The following WDPCP variants were observed in gnomAD, a reference collection of about 807,000 sequenced individuals.
WDPCP encodes the protein WD repeat-containing and planar cell polarity effector protein fritz homolog.
WDPCP carries 71 observed loss-of-function variants against 93.1 expected under a neutral mutation model. That is an observed-to-expected ratio of 0.76 (90% CI 0.63 to 0.93). The LOEUF is 0.93. Ranked by LOEUF, WDPCP falls within the 40% of genes least tolerant of loss-of-function variation. The pLI, the probability that WDPCP is intolerant of heterozygous loss-of-function variation, is 0.00. For missense variants in WDPCP, 844 were observed against 887.4 expected (o/e 0.95, Z 0.62); for synonymous variants, 315 against 315.0 (o/e 1.00, Z 0.00).
intron 3 of WDPCP, chr2:63,605,016 A>T: frequency 1.3e-6 from 1 of 757,882 alleles, no homozygotes; most frequent in Non-Finnish European, 2.1e-6. Flanking sequence ...GCCAGTCATG[A>T]TCTAGTGTGA....
At chr2:63,628,548 G>C (rs1575733868) in intron 3 of WDPCP, among the ~76,000 whole-genome samples, 1 of 152,126 alleles carries the variant, frequency 6.6e-6, no homozygotes, top group East Asian at 1.9e-4. Flanking sequence ...AAAATAGAGA[G>C]GTTTCAGTTT....
intron 14 of WDPCP, among the ~76,000 whole-genome samples, chr2:63,239,088 A>G (rs1215116034): frequency 6.6e-6 from 1 of 152,232 alleles, no homozygotes. Context: ...TGACATCTAT[A>G]TTCTTGAAAG....
At chr2:63,414,843 C>CA (rs1187532098) in intron 9 of WDPCP, among the ~76,000 whole-genome samples, 1 of 152,092 alleles carries the variant, frequency 6.6e-6, no homozygotes, top group Non-Finnish European at 1.5e-5. Flanking sequence ...CTCATATAAC[C>CA]AAATACCACC....
At chr2:63,317,912 G>A (rs1229339970) in intron 12 of WDPCP, among the ~76,000 whole-genome samples, 1 of 151,924 alleles carries the variant, frequency 6.6e-6, no homozygotes, top group Non-Finnish European at 1.5e-5. Context: ...AAAAATTCAT[G>A]AATGGAAAGA....
intron 2 of WDPCP, among the ~76,000 whole-genome samples, chr2:63,788,887 A>G (rs1670504887): frequency 6.6e-6 from 1 of 152,070 alleles, no homozygotes; most frequent in Non-Finnish European, 1.5e-5. Context: ...ATATCTATCT[A>G]TAGAGTATGC....
At chr2:63,481,251 G>C (rs191237641) in intron 6 of WDPCP, among the ~76,000 whole-genome samples, 35 of 152,102 alleles carry the variant, frequency 2.3e-4, no homozygotes, top group African/African-American at 8.2e-4. Context: ...AATAGATTTA[G>C]TGGGGATGTG....
intron 2 of WDPCP, among the ~76,000 whole-genome samples, chr2:63,679,127 T>C (rs1344318791): frequency 6.6e-6 from 1 of 152,240 alleles, no homozygotes; most frequent in Non-Finnish European, 1.5e-5. Flanking sequence ...GCCTATATAA[T>C]CTGCCTCAAT....
intron 9 of WDPCP, among the ~76,000 whole-genome samples, chr2:63,430,998 A>C (rs1374830035): frequency 6.6e-6 from 1 of 152,208 alleles, no homozygotes; most frequent in African/African-American, 2.4e-5. Flanking sequence ...TAATTCAGTC[A>C]CAGAGAGCTT....
intron 2 of WDPCP, among the ~76,000 whole-genome samples, chr2:63,697,949 C>T (rs997262131): frequency 2.0e-5 from 3 of 146,816 alleles, no homozygotes; most frequent in African/African-American, 7.6e-5. Flanking sequence ...CATGCCCAGC[C>T]TATGACTTTT....
intron 1 of WDPCP, among the ~76,000 whole-genome samples, chr2:63,504,923 T>A (rs749894970): frequency 1.3e-5 from 2 of 152,086 alleles, no homozygotes; most frequent in Non-Finnish European, 2.9e-5. Context: ...ACAGATGATA[T>A]AAAAGTAAGC....
intron 2 of WDPCP, among the ~76,000 whole-genome samples, chr2:63,755,822 T>A (rs1669959792): frequency 6.6e-6 from 1 of 152,188 alleles, no homozygotes; most frequent in Admixed American, 6.5e-5. Context: ...AAAATATAAT[T>A]TGTCTACACA....
intron 14 of WDPCP, 25 bp from the exon 15 acceptor site, chr2:63,174,857 G>C (rs1175251731): frequency 6.2e-7 from 1 of 1,609,168 alleles, no homozygotes; most frequent in Non-Finnish European, 8.5e-7. Flanking sequence ...TAATATGTGA[G>C]TGAAATACTA....
At chr2:63,141,263 G>C (rs915265897) in intron 17 of WDPCP, among the ~76,000 whole-genome samples, 1 of 152,074 alleles carries the variant, frequency 6.6e-6, no homozygotes, top group Non-Finnish European at 1.5e-5. Context: ...ATTTTTAGTA[G>C]AGACAGGTTT....
intron 15 of WDPCP, among the ~76,000 whole-genome samples, chr2:63,157,731 T>G (rs1672355706): frequency 6.6e-6 from 1 of 152,182 alleles, no homozygotes; most frequent in African/African-American, 2.4e-5. Context: ...TAAGATAATG[T>G]ACCCTCTTTC....
chr2:63,798,353 A>G (rs1208173427), intron 2 of WDPCP, among the ~76,000 whole-genome samples: 2 of 152,188 alleles, frequency 1.3e-5, no homozygotes, highest in African/African-American at 2.4e-5. Context: ...AAAAATAACT[A>G]CAACAACTTT....
chr2:63,542,505 T>C (rs1405489054), intron 1 of WDPCP, among the ~76,000 whole-genome samples: 4 of 152,244 alleles, frequency 2.6e-5, no homozygotes, highest in African/African-American at 9.6e-5. Context: ...GCAATTGCGA[T>C]AATGGTTATA....
intron 12 of WDPCP, among the ~76,000 whole-genome samples, chr2:63,319,947 T>C (rs1401465366): frequency 1.3e-5 from 2 of 152,162 alleles, no homozygotes; most frequent in Admixed American, 1.3e-4. Flanking sequence ...TATATGCACA[T>C]GTACTTAGAA....
intron 12 of WDPCP, among the ~76,000 whole-genome samples, chr2:63,361,866 G>A (rs1690483745): frequency 6.6e-6 from 1 of 152,140 alleles, no homozygotes; most frequent in South Asian, 2.1e-4. Flanking sequence ...GTATCTCAGG[G>A]CATAGAAGCT....
At chr2:63,509,205 C>T (rs2106071889) in intron 1 of WDPCP, among the ~76,000 whole-genome samples, 1 of 152,156 alleles carries the variant, frequency 6.6e-6, no homozygotes, top group Non-Finnish European at 1.5e-5. Context: ...TCAGCAAATG[C>T]AAAAGAATGG....
Sources: allele counts gnomAD v4.1 joint callset (sites outside exome capture counted in the v4.1 genomes callset), GRCh38; gene constraint gnomAD v4.1.1; transcripts MANE v1.5; gene names NCBI Gene and HGNC (gene_info 2026-07-23, HGNC 2026-07-21).